Variants in ATAD2B observed in about 807,000 individuals in gnomAD.
ATAD2B encodes ATPase family AAA domain-containing protein 2B.
A neutral mutation model predicts 167.6 loss-of-function variants in ATAD2B; 40 were observed. The observed-to-expected ratio is 0.24, with a 90% CI of 0.19 to 0.31. The LOEUF (loss-of-function observed/expected upper bound fraction) is 0.31, where lower values mean the gene tolerates loss of function less well. Ranked by LOEUF, ATAD2B falls within the 10% of genes least tolerant of loss-of-function variation. ATAD2B has a pLI of 1.00. For missense variants in ATAD2B, 1,242 were observed against 1,757.2 expected (o/e 0.71, Z 5.24); for synonymous variants, 579 against 596.5 (o/e 0.97, Z 0.43).
the ATAD2B span, among the ~76,000 whole-genome samples, chr2:23,740,790 T>A: frequency 1.3e-5 from 2 of 152,202 alleles, no homozygotes; most frequent in East Asian, 3.8e-4. Context: ...CATGATTGTA[T>A]ATCTAGAAAA....
intron 13 of ATAD2B, among the ~76,000 whole-genome samples, chr2:23,835,173 T>C (rs1689727393): frequency 6.6e-6 from 1 of 152,096 alleles, no homozygotes; most frequent in Non-Finnish European, 1.5e-5. Context: ...AACGTAAGAG[T>C]TGCCAAATGA....
At chr2:23,734,534 C>A in the ATAD2B span, among the ~76,000 whole-genome samples, 1 of 152,158 alleles carries the variant, frequency 6.6e-6, no homozygotes, top group Non-Finnish European at 1.5e-5. Flanking sequence ...AGCATGGCTG[C>A]GGAGGCCTCA....
chr2:23,866,222 A>G (rs1204457674), intron 10 of ATAD2B, among the ~76,000 whole-genome samples: 1 of 152,172 alleles, frequency 6.6e-6, no homozygotes, highest in Non-Finnish European at 1.5e-5. Flanking sequence ...CTTGACCAAC[A>G]TGGAAAAATC....
chr2:23,773,841 G>C (rs1678704288), intron 22 of ATAD2B, among the ~76,000 whole-genome samples: 1 of 152,030 alleles, frequency 6.6e-6, no homozygotes, highest in Non-Finnish European at 1.5e-5. Context: ...TAACCTCTCT[G>C]AGCCCCCATC....
At chr2:23,731,595 T>G in the ATAD2B span, among the ~76,000 whole-genome samples, 24 of 152,238 alleles carry the variant, frequency 1.6e-4, no homozygotes, top group Non-Finnish European at 5.9e-5. Context: ...TATTTAAATC[T>G]TCTAGTAGCT....
the ATAD2B span, among the ~76,000 whole-genome samples, chr2:23,723,353 G>A: frequency 0.47 from 66,931 of 141,184 alleles, 16,755 homozygotes; most frequent in East Asian, 0.78. Flanking sequence ...GGAAGGGGAG[G>A]GGATGGGAGG....
At chr2:23,752,157 T>C (rs779657845) in intron 27 of ATAD2B, 70 bp from the exon 28 acceptor site, 125 of 1,152,406 alleles carry the variant, frequency 1.1e-4, no homozygotes, top group Admixed American at 1.6e-4. Flanking sequence ...TACGGAAGAA[T>C]TCACTTTAAA....
intron 13 of ATAD2B, among the ~76,000 whole-genome samples, chr2:23,856,947 G>A (rs999747494): frequency 3.3e-5 from 5 of 151,404 alleles, no homozygotes; most frequent in Non-Finnish European, 5.9e-5. Flanking sequence ...AGTGGCTCAC[G>A]CCTGTAATCT....
chr2:23,697,694 G>A, the ATAD2B span: 3 of 151,974 alleles, frequency 2.0e-5, no homozygotes, highest in African/African-American at 4.8e-5. Context: ...AGATGGCTCA[G>A]TAACAACATT....
intron 1 of ATAD2B, among the ~76,000 whole-genome samples, chr2:23,898,240 G>T (rs1297824037): frequency 6.6e-6 from 1 of 152,126 alleles, no homozygotes; most frequent in Admixed American, 6.5e-5. Flanking sequence ...ACCACACCTC[G>T]CCCAGCAACT....
downstream of ATAD2B, among the ~76,000 whole-genome samples, chr2:23,747,208 TTAC>T (rs1674936075): frequency 6.6e-6 from 1 of 152,022 alleles, no homozygotes; most frequent in Non-Finnish European, 1.5e-5. Context: ...CATGAATAAA[TTAC>T]TGTTTTATAA....
chr2:23,914,072 T>C (rs1702679460), intron 1 of ATAD2B, among the ~76,000 whole-genome samples: 1 of 151,924 alleles, frequency 6.6e-6, no homozygotes, highest in Non-Finnish European at 1.5e-5. Context: ...AACACAGCAA[T>C]AACCCTGTCT....
intron 1 of ATAD2B, among the ~76,000 whole-genome samples, chr2:23,908,289 T>G (rs1217181504): frequency 2.0e-5 from 3 of 151,836 alleles, no homozygotes; most frequent in Non-Finnish European, 4.4e-5. Context: ...CAAACAAATT[T>G]ACAAGAAAAA....
At chr2:23,817,483 T>C (rs974831514) in intron 17 of ATAD2B, among the ~76,000 whole-genome samples, 1 of 152,226 alleles carries the variant, frequency 6.6e-6, no homozygotes, top group Non-Finnish European at 1.5e-5. Flanking sequence ...CAAATATCAC[T>C]ACTTCTCCTG....
chr2:23,875,289 C>A (rs1696660042), intron 8 of ATAD2B, among the ~76,000 whole-genome samples: 1 of 152,030 alleles, frequency 6.6e-6, no homozygotes, highest in Non-Finnish European at 1.5e-5. Context: ...TTCACAAGGT[C>A]AGGAGTTTGA....
intron 8 of ATAD2B, among the ~76,000 whole-genome samples, chr2:23,871,484 T>C (rs1695972942): frequency 6.6e-6 from 1 of 152,238 alleles, no homozygotes; most frequent in South Asian, 2.1e-4. Flanking sequence ...CTTAATTTTC[T>C]GTCAAGCCTC....
In ATAD2B at chr2:23,862,401, GTTTTTT is replaced by G. The variant is rs750865073; in HGVS notation, c.1479+974_1479+979del. On this transcript the variant is annotated intron_variant, in intron 12 of 27. Coordinates refer to ENST00000238789, the MANE Select transcript of ATAD2B (RefSeq NM_017552.4). ...CAAAAGTGAATTTATATTTGGACTGGTTTTTTTTTTTTTTTTTTTTTTTTTGAGAGA... is the reference window on the plus strand; with the variant it reads ...CAAAAGTGAATTTATATTTGGACTGGTTTTTTTTTTTTTTTTTTTGAGAGA... Among the ~76,000 whole-genome samples, 8 of 99,440 alleles carry G rather than the reference GTTTTTT, an allele frequency of 8.0e-5. No individual in the cohort carries two copies. In the East Asian group the frequency reaches 9.7e-4, roughly 12 times the overall value. 65.2% of individuals were successfully genotyped at this position (99,440 alleles called of 152,430 possible). A position where few individuals can be genotyped will look rare whatever the true frequency, so the allele number is the denominator to read the frequency against.
intron 8 of ATAD2B, among the ~76,000 whole-genome samples, chr2:23,870,435 C>T (rs1221762195): frequency 1.3e-5 from 2 of 151,544 alleles, no homozygotes; most frequent in Admixed American, 1.3e-4. Context: ...TGGAGGCACC[C>T]GCCACCACAC....
At chr2:23,799,524 G>C (rs1355395594) in intron 18 of ATAD2B, among the ~76,000 whole-genome samples, 4 of 112,708 alleles carry the variant, frequency 3.5e-5, no homozygotes, top group South Asian at 5.9e-4. Flanking sequence ...AGTGAGCCGA[G>C]ATCACACCAC....
Sources: allele counts gnomAD v4.1 joint callset (sites outside exome capture counted in the v4.1 genomes callset), GRCh38; gene constraint gnomAD v4.1.1; transcripts MANE v1.5; gene names NCBI Gene and HGNC (gene_info 2026-07-23, HGNC 2026-07-21).